FAM221A: variants seen among roughly 807,000 people sequenced by gnomAD.
FAM221A encodes the protein family with sequence similarity 221 member A.
FAM221A carries 43 observed loss-of-function variants against 37.6 expected under a neutral mutation model. That is an observed-to-expected ratio of 1.15 (90% CI 0.90 to 1.48). The LOEUF (loss-of-function observed/expected upper bound fraction) is 1.48. Ranked by LOEUF, FAM221A falls within the 40% of genes most tolerant of loss-of-function variation. The pLI is 0.00. For missense variants in FAM221A, 361 were observed against 361.5 expected, an observed-to-expected ratio of 1.00 and a Z score of 0.01; for synonymous variants, 135 against 132.9, an observed-to-expected ratio of 1.02 and a Z score of -0.11.
At chr7:23,681,080 C>T (rs1438373150) in intron 1 of FAM221A, among the ~76,000 whole-genome samples, 2 of 152,186 alleles carry the variant, frequency 1.3e-5, no homozygotes, top group African/African-American at 4.8e-5. Flanking sequence ...GACTGTTCTC[C>T]CCTGCTCTGA....
At chr7:23,693,351 C>T (rs1184257995) in intron 4 of FAM221A, 2 of 152,132 alleles carry the variant, frequency 1.3e-5, no homozygotes, top group Non-Finnish European at 2.9e-5. Context: ...GCCAGTCTGA[C>T]ATGTAAAATT....
chr7:23,691,435 G>T lies in FAM221A; in HGVS notation c.476G>T (p.Gly159Val). Residue 159 changes from glycine to valine, a missense_variant, in exon 4 of 7, where the codon GGT (glycine) becomes GTT (valine). Transcript: ENST00000344962. The part of the protein sequence containing the change: ...GFHSCFTCAC[G>V]QPAYAHDTVV... ...CATAGCTGCTTCACTTGTGCTTGTG[G>T]TCAGCCTGCATATGCCCATGACACA... 1 of 1,614,148 alleles carries T rather than the reference G, an allele frequency of 6.2e-7. No individual in the cohort carries two copies. The highest frequency in any genetic ancestry group is 8.5e-7 in the Non-Finnish European group (1 of 1,180,022).
chr7:23,702,769 G>A (rs1785539000), downstream of FAM221A: 1 of 151,988 alleles, frequency 6.6e-6, no homozygotes, highest in Non-Finnish European at 1.5e-5. Flanking sequence ...CACATCTTGT[G>A]TGCCACTGCA....
chr7:23,686,145 A>G (rs1784353881), intron 2 of FAM221A: 1 of 278,856 alleles, frequency 3.6e-6, no homozygotes, highest in Non-Finnish European at 7.1e-6. Context: ...TCAGAATTAA[A>G]GAGGGGTTTG....
chr7:23,690,199 A>ATATTTTTT lies in FAM221A; in HGVS notation c.430+741_430+742insATTTTTTT, dbSNP rs774313037. Reference sequence around the variant, plus strand: ...TATATATATATATATATATATATATATTTTTTTTTTTTTTAATAGAGTTTT... The same window carrying ATATTTTTT: ...TATATATATATATATATATATATATATATTTTTTTTTTTTTTTTTTTTAATAGAGTTTT... On this transcript the variant is annotated intron_variant, in intron 3 of 6. Coordinates refer to ENST00000344962, the MANE Select transcript of FAM221A (RefSeq NM_199136.5). 2.7e-3 allele frequency among the ~76,000 whole-genome samples: 133 copies of ATATTTTTT among 48,718 alleles called. 2 individuals are homozygous for ATATTTTTT. The highest frequency in any genetic ancestry group is 0.011 in the African/African-American group (127 of 11,736). The allele number at this position is 48,718 out of a possible 152,430, so 32.0% of individuals were successfully genotyped here.
At chr7:23,698,809 A>C (rs985372357) in intron 5 of FAM221A, among the ~76,000 whole-genome samples, 1 of 152,240 alleles carries the variant, frequency 6.6e-6, no homozygotes, top group Non-Finnish European at 1.5e-5. Flanking sequence ...TTTTAAAATG[A>C]GAATTTTCTT....
chr7:23,686,238 A>T, intron 2 of FAM221A: 1 of 422,506 alleles, frequency 2.4e-6, no homozygotes, highest in Non-Finnish European at 4.6e-6. Flanking sequence ...TACAGCATGG[A>T]CTTGAACGTC....
intron 4 of FAM221A, chr7:23,694,771 A>G (rs769222826): frequency 1.3e-5 from 2 of 152,222 alleles, no homozygotes; most frequent in Non-Finnish European, 2.9e-5. Flanking sequence ...CTATTTGTGT[A>G]CAGCCACTAT....
chr7:23,686,597 A>G lies in FAM221A; in HGVS notation c.239+1925A>G, dbSNP rs1387090042. On this transcript the variant is annotated intron_variant, in intron 2 of 6. Transcript: ENST00000344962. Reference sequence around the variant, plus strand: ...ACTCAACTTTGATGGAGAAGTTATTATATTTAGTACTGATCCACTCAGTGA... The same window carrying G: ...ACTCAACTTTGATGGAGAAGTTATTGTATTTAGTACTGATCCACTCAGTGA... 1.4e-5 allele frequency: 3 copies of G among 213,622 alleles called. No individual in the cohort carries two copies. The Admixed American group carries it at 1.6e-4, about 12-fold the overall frequency. 13.2% of individuals were successfully genotyped at this position (213,622 alleles called of 1,614,324 possible). A position where few individuals can be genotyped will look rare whatever the true frequency, so the allele number is the denominator to read the frequency against.
rs975520290 is a variant in FAM221A at position 23,691,313 on chromosome 7, T to C, written c.431-77T>C. 1.3e-4 allele frequency: 188 copies of C among 1,439,704 alleles called. 1 individual carries two copies. Among genetic ancestry groups the C allele is most frequent in the Non-Finnish European group, 1.7e-4 (178 of 1,028,896 alleles). The allele number at this position is 1,439,704 out of a possible 1,614,324, so 89.2% of individuals were successfully genotyped here. On this transcript the variant is annotated intron_variant, in intron 3 of 6. Coordinates refer to ENST00000344962, the MANE Select transcript of FAM221A (RefSeq NM_199136.5). ...GCCAGAGGATCTAGGTTCAGCTGGC[T>C]TTTGCCAGGCTAAGTGTCTTTAGGG...
intron 4 of FAM221A, among the ~76,000 whole-genome samples, chr7:23,695,670 G>A (rs1156724508): frequency 1.3e-5 from 2 of 151,984 alleles, no homozygotes. Context: ...ACTATTCCTG[G>A]CCAATTTTTT....
intron 2 of FAM221A, among the ~76,000 whole-genome samples, chr7:23,685,226 T>A (rs938193538): frequency 8.6e-5 from 13 of 151,976 alleles, no homozygotes; most frequent in African/African-American, 3.1e-4. Context: ...CCAGCCTGAG[T>A]GGCAGTGTGA....
At chr7:23,698,330 G>T (rs1258789182) in intron 5 of FAM221A, 31 bp downstream of exon 5, 1 of 1,214,772 alleles carries the variant, frequency 8.2e-7, no homozygotes, top group Non-Finnish European at 1.2e-6. Context: ...ACTGTTTTTG[G>T]ATGTAGTAAA....
intron 2 of FAM221A, chr7:23,686,801 T>C (rs567145981): frequency 6.6e-6 from 1 of 152,376 alleles, no homozygotes; most frequent in African/African-American, 2.4e-5. Flanking sequence ...TCTTTTTTTT[T>C]TGAGACGGAG....
At chr7:23,684,205 T>A (rs924975903) in intron 1 of FAM221A, among the ~76,000 whole-genome samples, 3 of 151,954 alleles carry the variant, frequency 2.0e-5, no homozygotes, top group African/African-American at 7.2e-5. Flanking sequence ...ATTCCTTCGT[T>A]ATGTTGTCAT....
At chr7:23,696,073 T>G (rs1785041135) in intron 4 of FAM221A, among the ~76,000 whole-genome samples, 1 of 152,096 alleles carries the variant, frequency 6.6e-6, no homozygotes, top group Non-Finnish European at 1.5e-5. Flanking sequence ...CATCATAGAG[T>G]GTACTTACAT....
At chr7:23,691,324 T>TG in intron 3 of FAM221A, 66 bp from the exon 4 acceptor site, 3 of 1,516,942 alleles carry the variant, frequency 2.0e-6, no homozygotes, top group Non-Finnish European at 2.7e-6. Context: ...TTTGCCAGGC[T>TG]AAGTGTCTTT....
At position 23,702,257 on chromosome 7, in the gene FAM221A, CT is replaced by C. The variant is rs200841650; in HGVS notation, c.*104del. The C allele has an allele frequency of 0.045, 25,931 of 581,394 alleles. No individual in the cohort carries two copies. Among genetic ancestry groups the C allele is most frequent in the East Asian group, 0.054 (1,270 of 23,374 alleles). The allele number at this position is 581,394 out of a possible 1,614,324, so 36.0% of individuals were successfully genotyped here. On this transcript the variant is annotated 3_prime_UTR_variant, in exon 7 of 7. Coordinates refer to ENST00000344962, the MANE Select transcript of FAM221A (RefSeq NM_199136.5). ...AGTTTATTTTTCCTGAAATTATTTA[CT>C]TTTTTTTTTTACTGTATAAATGTCT...
intron 5 of FAM221A, among the ~76,000 whole-genome samples, chr7:23,700,251 T>G (rs1347786392): frequency 6.6e-6 from 1 of 152,230 alleles, no homozygotes; most frequent in Non-Finnish European, 1.5e-5. Flanking sequence ...ATTAGGCTCT[T>G]GGCTACCTGC....
Sources: allele counts gnomAD v4.1 joint callset (sites outside exome capture counted in the v4.1 genomes callset), GRCh38; gene constraint gnomAD v4.1.1; transcripts MANE v1.5; gene names NCBI Gene and HGNC (gene_info 2026-07-23, HGNC 2026-07-21).